WDR48: variants seen among roughly 807,000 people sequenced by gnomAD.
WDR48 encodes WD repeat domain 48.
In WDR48, 22 loss-of-function variants were observed where a neutral mutation model predicts 94.0. That is an observed-to-expected ratio of 0.23 (90% CI 0.17 to 0.33). The LOEUF is 0.33. Among genes scored for constraint, WDR48 ranks in the 10% least tolerant of loss-of-function variants. WDR48 has a pLI of 1.00. For synonymous variants in WDR48, 278 were observed against 280.5 expected (o/e 0.99, Z 0.09); for missense variants, 541 against 813.8 (o/e 0.66, Z 4.08).
chr3:39,065,317 G>A (rs17038388), intron 2 of WDR48, among the ~76,000 whole-genome samples: 5,405 of 152,200 alleles, frequency 0.036, 307 homozygotes, highest in African/African-American at 0.12. Context: ...GAACCCAACA[G>A]TAGGAAGCTG....
chr3:39,067,809 T>A (rs906795038), intron 5 of WDR48, among the ~76,000 whole-genome samples: 2 of 152,232 alleles, frequency 1.3e-5, no homozygotes, highest in African/African-American at 4.8e-5. Context: ...TTGTTTTGCC[T>A]TGTTTTCCAG....
In WDR48 at chr3:39,094,850, C is replaced by T. The variant is rs912400677; in HGVS notation, c.*107C>T. The T allele has an allele frequency of 2.9e-6, 4 of 1,384,170 alleles. No homozygotes were observed. The highest frequency in any genetic ancestry group is 2.3e-5 in the East Asian group (1 of 43,640). 85.7% of individuals were successfully genotyped at this position (1,384,170 alleles called of 1,614,324 possible). On this transcript the variant is annotated 3_prime_UTR_variant, in exon 19 of 19. Coordinates refer to ENST00000302313, the MANE Select transcript of WDR48 (RefSeq NM_020839.4). ...CCAACGGGAGCAAGACTTCTAACGG[C>T]TGATTGGTATGGACCGAGATTATCT...
At chr3:39,067,263 G>T (rs192533172) in intron 5 of WDR48, among the ~76,000 whole-genome samples, 1 of 152,150 alleles carries the variant, frequency 6.6e-6, no homozygotes, top group Non-Finnish European at 1.5e-5. Flanking sequence ...CAAAGTAGGC[G>T]GTTTTCTGAC....
At chr3:39,080,700 T>C (rs1033930834) in intron 11 of WDR48, among the ~76,000 whole-genome samples, 6 of 152,202 alleles carry the variant, frequency 3.9e-5, no homozygotes, top group Non-Finnish European at 8.8e-5. Context: ...GGATAGCTTA[T>C]GGATGAGGGA....
chr3:39,071,411 G>GT (rs1182530394), intron 7 of WDR48, among the ~76,000 whole-genome samples: 2 of 152,188 alleles, frequency 1.3e-5, no homozygotes, highest in Non-Finnish European at 2.9e-5. Flanking sequence ...ATGGTTGCCC[G>GT]TGTCTCTTCA....
intron 7 of WDR48, among the ~76,000 whole-genome samples, chr3:39,073,335 T>C (rs150171508): frequency 0.015 from 2,264 of 152,360 alleles, 21 homozygotes; most frequent in Non-Finnish European, 0.019. Flanking sequence ...AAACTACTGA[T>C]GCTCCTGGCA....
chr3:39,086,225 A>AT (rs1214190342), intron 14 of WDR48: 1 of 152,276 alleles, frequency 6.6e-6, no homozygotes, highest in East Asian at 1.9e-4. Context: ...TTTTGAATAT[A>AT]TGCATTTGGC....
At chr3:39,066,341 A>T (rs1488332192) in intron 3 of WDR48, among the ~76,000 whole-genome samples, 1 of 152,228 alleles carries the variant, frequency 6.6e-6, no homozygotes, top group African/African-American at 2.4e-5. Context: ...TTGTTTTAAA[A>T]ATATATTTTT....
chr3:39,066,403 G>T, intron 3 of WDR48, 145 bp from the exon 4 acceptor site: 1 of 668,510 alleles, frequency 1.5e-6, no homozygotes. Flanking sequence ...ATATACAATA[G>T]GTTCTAGAAA....
intron 13 of WDR48, 76 bp from the exon 14 acceptor site, chr3:39,085,439 T>G: frequency 8.5e-7 from 1 of 1,169,956 alleles, no homozygotes; most frequent in Non-Finnish European, 1.3e-6. Flanking sequence ...AAACTTACAA[T>G]TTTTATTCTA....
chr3:39,064,786 G>A (rs904791427), intron 2 of WDR48, among the ~76,000 whole-genome samples: 2 of 152,178 alleles, frequency 1.3e-5, no homozygotes, highest in African/African-American at 4.8e-5. Flanking sequence ...CTTCAGTCTG[G>A]CAGGCTTTGA....
In WDR48 at chr3:39,093,954, A is replaced by G; in HGVS notation, c.1826A>G (p.Asn609Ser). Residue 609 changes from asparagine (N) to serine (S), a missense_variant, in exon 18 of 19, where the codon AAT becomes AGT. This residue lies in a region of WDR48 where 109 missense variants were observed against 195.5 expected (regional missense o/e 0.56). Coordinates refer to ENST00000302313, the MANE Select transcript of WDR48 (RefSeq NM_020839.4). The stretch of plus-strand genomic sequence containing the variant: ...TATGAAAAAATTATCAACTTGGATA[A>G]TGAGTCTCAAACCACTAGCTCTTCT... ...HVYEKIINLD[N>S]ESQTTSSSNN... 6.2e-6 allele frequency: 10 copies of G among 1,614,020 alleles called. No homozygotes were observed. The highest frequency in any genetic ancestry group is 8.5e-6 in the Non-Finnish European group (10 of 1,179,980).
chr3:39,094,537 C>T, intron 18 of WDR48, 111 bp from the exon 19 acceptor site: 1 of 1,547,506 alleles, frequency 6.5e-7, no homozygotes, highest in Non-Finnish European at 8.7e-7. Context: ...GGATACCAGG[C>T]ATAGGGGAGG....
intron 7 of WDR48, among the ~76,000 whole-genome samples, chr3:39,073,906 G>A (rs1559611510): frequency 6.6e-6 from 1 of 152,208 alleles, no homozygotes; most frequent in Non-Finnish European, 1.5e-5. Context: ...ATGAGACAGA[G>A]GTGTAACCCA....
chr3:39,066,720 A>G (rs774809107), intron 4 of WDR48, 26 bp from the exon 5 acceptor site: 9 of 1,613,860 alleles, frequency 5.6e-6, no homozygotes, highest in Non-Finnish European at 7.6e-6. Context: ...TACAGAATAG[A>G]TCATAGTATG....
rs1243456506 is a variant in WDR48 at position 39,094,066 on chromosome 3, G to A, written c.1938G>A (p.Gln646=). Reference sequence around the variant, plus strand: ...AAATTGAACTTTTGTGCCAGGACCAGGTAAGTGGACTTGAGGACTACAGCC... The same window carrying A: ...AAATTGAACTTTTGTGCCAGGACCAAGTAAGTGGACTTGAGGACTACAGCC... ...EEKIELLCQD[Q]VLDPNMDLRT... Residue 646 remains glutamine (Q), a splice_region_variant and synonymous_variant, in exon 18 of 19, where the codon CAG becomes CAA. Coordinates refer to ENST00000302313, the MANE Select transcript of WDR48 (RefSeq NM_020839.4). 6.2e-7 allele frequency: 1 copy of A among 1,609,850 alleles called. No individual in the cohort carries two copies. The highest frequency in any genetic ancestry group is 8.5e-7 in the Non-Finnish European group (1 of 1,178,784).
rs188079766 is a variant in WDR48 at position 39,066,664 on chromosome 3, A to G, written c.351+34A>G. On this transcript the variant is annotated intron_variant, in intron 4 of 18. Transcript: ENST00000302313. ...ATACAGTTCTCAGTGTCTTTAGTGT[A>G]ATATTGGGATCTCAGTACTTTGTGT... The G allele has an allele frequency of 1.1e-3, 1,716 of 1,613,132 alleles. 2 individuals carry two copies. The highest frequency in any genetic ancestry group is 1.3e-3 in the Non-Finnish European group (1,592 of 1,179,316).
intron 15 of WDR48, among the ~76,000 whole-genome samples, chr3:39,088,434 C>G (rs959341375): frequency 6.6e-6 from 1 of 152,222 alleles, no homozygotes; most frequent in Non-Finnish European, 1.5e-5. Flanking sequence ...AGGAGAAACT[C>G]TAGTGTTCGA....
rs766906798 is a variant in WDR48, at chr3:39,066,570, G to T, written c.291G>T (p.Thr97=). Residue 97 remains threonine, a synonymous_variant, in exon 4 of 19, where the codon ACG becomes ACT. Transcript: ENST00000302313. ...GKTLISASSD[T]TVKVWNAHKG... The stretch of plus-strand genomic sequence containing the variant: ...TAGTAATATCTGCTTCTTCTGACAC[G>T]ACAGTAAAAGTATGGAATGCACACA... 11 of 1,613,638 alleles carry T rather than the reference G, an allele frequency of 6.8e-6. No individual in the cohort carries two copies. Among genetic ancestry groups the T allele is most frequent in the Non-Finnish European group, 9.3e-6 (11 of 1,179,836 alleles).
Sources: gnomAD v4.1 joint callset for allele counts (sites outside exome capture counted in the v4.1 genomes callset) on GRCh38, gnomAD v4.1.1 for gene constraint, gnomAD v4.1.1 regional missense constraint, MANE v1.5 for transcripts, NCBI Gene and HGNC (gene_info 2026-07-23, HGNC 2026-07-21) for gene names.